Variants in USP28 observed in about 807,000 individuals in gnomAD.
The protein encoded by USP28 is ubiquitin specific peptidase 28, also known as ubiquitin carboxyl-terminal hydrolase 28.
Under a neutral mutation model 145.0 loss-of-function variants are expected in USP28, and 113 were observed. The observed-to-expected ratio is 0.78, with a 90% CI of 0.67 to 0.91. USP28 has a LOEUF of 0.91. Ranked by LOEUF, USP28 falls within the 40% of genes least tolerant of loss-of-function variation. The pLI, the probability that USP28 is intolerant of heterozygous loss-of-function variation, is 0.00. For synonymous variants in USP28, 447 were observed against 450.9 expected, an observed-to-expected ratio of 0.99 and a Z score of 0.11; for missense variants, 1,201 against 1,289.6, an observed-to-expected ratio of 0.93 and a Z score of 1.05.
chr11:113,807,407 G>GAA (rs573751502), intron 18 of USP28, among the ~76,000 whole-genome samples: 6 of 150,926 alleles, frequency 4.0e-5, no homozygotes, highest in African/African-American at 1.5e-4. Flanking sequence ...ATACCCCACA[G>GAA]AAAAAAAACA....
At chr11:113,868,369 C>A (rs1948493999) in intron 1 of USP28, among the ~76,000 whole-genome samples, 1 of 152,128 alleles carries the variant, frequency 6.6e-6, no homozygotes, top group Non-Finnish European at 1.5e-5. Context: ...CCTGCTCATA[C>A]TAAATTTTAT....
At chr11:113,837,289 CT>C (rs2136089338) in intron 5 of USP28, among the ~76,000 whole-genome samples, 1 of 152,352 alleles carries the variant, frequency 6.6e-6, no homozygotes, top group Non-Finnish European at 1.5e-5. Context: ...GCCTAGAACA[CT>C]GCTAGACATA....
chr11:113,807,540 A>G (rs1411532131), intron 18 of USP28, among the ~76,000 whole-genome samples: 1 of 152,180 alleles, frequency 6.6e-6, no homozygotes, highest in Non-Finnish European at 1.5e-5. Flanking sequence ...ATTAAAAATA[A>G]CTTCAATCCA....
At position 113,800,515 on chromosome 11, in the gene USP28, TCCTGGGCTCAAGTGAG is replaced by T. The variant is rs535257321; in HGVS notation, c.3058+952_3058+967del. Among the ~76,000 whole-genome samples the T allele has an allele frequency of 4.8e-3, 734 of 151,904 alleles. 3 individuals carry two copies. The highest frequency in any genetic ancestry group is 0.016 in the African/African-American group (668 of 41,400). ...TATGTTGCCCAGGCTGGTCTCAAAC[TCCTGGGCTCAAGTGAG>T]CCACCCACCTTGGCCTCCCAAAGTG... On this transcript the variant is annotated intron_variant, in intron 24 of 24. Transcript: ENST00000003302.
At chr11:113,829,062 A>G (rs988204341) in intron 10 of USP28, 135 bp downstream of exon 10, 1 of 1,145,532 alleles carries the variant, frequency 8.7e-7, no homozygotes, top group East Asian at 2.5e-5. Context: ...TCAACTGATG[A>G]GAGACTTAAG....
At chr11:113,809,627 G>A (rs1488307202) in intron 16 of USP28, among the ~76,000 whole-genome samples, 1 of 152,178 alleles carries the variant, frequency 6.6e-6, no homozygotes, top group Admixed American at 6.5e-5. Flanking sequence ...ATTCACATGT[G>A]GGATGCTCAA....
chr11:113,855,865 C>T (rs1199755869), intron 1 of USP28, among the ~76,000 whole-genome samples: 3 of 152,168 alleles, frequency 2.0e-5, no homozygotes, highest in African/African-American at 2.4e-5. Context: ...GAGCCAAGAT[C>T]GCGGCATTGC....
intron 3 of USP28, among the ~76,000 whole-genome samples, chr11:113,851,417 C>T (rs1319870741): frequency 1.3e-5 from 2 of 152,190 alleles, no homozygotes; most frequent in Non-Finnish European, 2.9e-5. Context: ...CCCTGGCCTC[C>T]TTGCTGTTCC....
At chr11:113,798,549 T>A (rs919212914) in exon 25 of USP28, 1 of 152,636 alleles carries the variant, frequency 6.6e-6, no homozygotes, top group Admixed American at 6.5e-5. Context: ...TAATGGATGA[T>A]CTTCAGTCAA....
At position 113,839,280 on chromosome 11, in the gene USP28, G is replaced by A. The variant is rs77424465; in HGVS notation, c.534+1318C>T. Among the ~76,000 whole-genome samples, 595 of 152,232 alleles carry A rather than the reference G, an allele frequency of 3.9e-3. 4 individuals carry two copies. Among genetic ancestry groups the A allele is most frequent in the African/African-American group, 0.013 (523 of 41,526 alleles). On this transcript the variant is annotated intron_variant, in intron 5 of 24. Transcript: ENST00000003302. ...ACACAGGCACAGGCACCTCAGACTC[G>A]GCATATCTAAAACTGAACTGATTGT...
rs975345349 is a variant in USP28, at chr11:113,827,494, A to G, written c.1060-134T>C. ...TATACTCAAGGCAAACTCATACTAG[A>G]ACTTTTTTTTATCCCAAACACTAAA... On this transcript the variant is annotated intron_variant, in intron 10 of 24. Coordinates refer to ENST00000003302, the Ensembl canonical transcript of USP28. 7 of 847,104 alleles carry G rather than the reference A, an allele frequency of 8.3e-6. No individual in the cohort carries two copies. In the Admixed American group the frequency reaches 2.5e-4, roughly 31 times the overall value. 52.5% of individuals were successfully genotyped at this position (847,104 alleles called of 1,614,324 possible). A position where few individuals can be genotyped will look rare whatever the true frequency, so the allele number is the denominator to read the frequency against.
At chr11:113,812,076 G>T (rs1002611598) in intron 16 of USP28, among the ~76,000 whole-genome samples, 200 bp downstream of exon 16, 2 of 152,192 alleles carry the variant, frequency 1.3e-5, no homozygotes, top group Non-Finnish European at 2.9e-5. Flanking sequence ...CTTGTTGGGA[G>T]TGGGACCCAT....
chr11:113,854,261 C>G (rs768395019), exon 2 of USP28: 1 of 1,613,816 alleles, frequency 6.2e-7, no homozygotes, highest in East Asian at 2.2e-5. Flanking sequence ...AACCAACCTT[C>G]AGAGCTTCAT....
intron 5 of USP28, 52 bp from the exon 6 acceptor site, chr11:113,834,387 C>A: frequency 1.6e-6 from 2 of 1,277,052 alleles, no homozygotes; most frequent in Non-Finnish European, 2.2e-6. Flanking sequence ...ATAACTGCAG[C>A]AACATATGTA....
chr11:113,845,359 C>G (rs1292287055), intron 3 of USP28, among the ~76,000 whole-genome samples: 1 of 151,526 alleles, frequency 6.6e-6, no homozygotes, highest in Non-Finnish European at 1.5e-5. Context: ...TCACTTGTAC[C>G]CGGGAGGTGG....
exon 23 of USP28, chr11:113,803,215 C>T (rs201095177): frequency 1.9e-6 from 3 of 1,614,106 alleles, no homozygotes; most frequent in Admixed American, 3.3e-5. Context: ...CCCGGCGGGG[C>T]CCCTTCATCA....
intron 1 of USP28, among the ~76,000 whole-genome samples, chr11:113,870,317 A>G (rs1490871881): frequency 6.6e-6 from 1 of 152,230 alleles, no homozygotes; most frequent in East Asian, 1.9e-4. Flanking sequence ...GCTTGAGCCC[A>G]GGAGTTCAAG....
At chr11:113,868,662 T>C (rs1948525267) in intron 1 of USP28, among the ~76,000 whole-genome samples, 3 of 152,142 alleles carry the variant, frequency 2.0e-5, no homozygotes, top group Non-Finnish European at 4.4e-5. Context: ...GGTTCACGCC[T>C]GTAATCCCAA....
chr11:113,803,130 A>G (rs752364677), intron 23 of USP28, 28 bp downstream of exon 24: 1 of 1,589,124 alleles, frequency 6.3e-7, no homozygotes. Flanking sequence ...CAACAAAAAA[A>G]CCTTAAGGCT....
Sources: gnomAD v4.1 joint callset for allele counts (sites outside exome capture counted in the v4.1 genomes callset) on GRCh38, gnomAD v4.1.1 for gene constraint, MANE v1.5 for transcripts, NCBI Gene and HGNC (gene_info 2026-07-23, HGNC 2026-07-21) for gene names.